The following CAPNS1 variants were observed in gnomAD, a reference collection of about 807,000 sequenced individuals.
CAPNS1 encodes the protein calpain small subunit 1, also known as CANP small subunit.
In CAPNS1, 32 loss-of-function variants were observed where a neutral mutation model predicts 39.2. The observed-to-expected ratio is 0.82, with a 90% CI of 0.62 to 1.10. CAPNS1 has a LOEUF of 1.10. Ranked by LOEUF, CAPNS1 falls within the 50% of genes least tolerant of loss-of-function variation. CAPNS1 has a pLI of 0.00. For missense variants in CAPNS1, 353 were observed against 373.1 expected (o/e 0.95, Z 0.44); for synonymous variants, 153 against 136.2 (o/e 1.12, Z -0.86).
rs762675545 is a variant in CAPNS1 at position 36,143,142 on chromosome 19, C to G, written c.456+14C>G. 3.1e-6 allele frequency: 5 copies of G among 1,612,712 alleles called. No individual in the cohort carries two copies. The highest frequency in any genetic ancestry group is 3.4e-6 in the Non-Finnish European group (4 of 1,179,210). On this transcript the variant is annotated intron_variant, in intron 6 of 10. Coordinates refer to ENST00000246533, the MANE Select transcript of CAPNS1 (RefSeq NM_001749.4). ...GCCGTGATGGATGTATCCTTGGGGG[C>G]AGTGTGGGAGAGGCCCTGGGTGGAC...
At chr19:36,142,806 G>A (rs1974427694) in intron 4 of CAPNS1, 65 bp downstream of exon 4, 2 of 1,583,676 alleles carry the variant, frequency 1.3e-6, no homozygotes, top group Admixed American at 3.3e-5. Flanking sequence ...GGCTGCCCTT[G>A]CACACACACC....
At position 36,141,565 on chromosome 19, in the gene CAPNS1, G is replaced by T. The variant is rs1238778977; in HGVS notation, c.209+345G>T. On this transcript the variant is annotated intron_variant, in intron 2 of 10. Transcript: ENST00000246533. ...GCTAACCTGGAGATGAACGTTAAAG[G>T]TGCGGAGCCAATGCGTCTGAGTGAC... The T allele has an allele frequency of 4.4e-6, 5 of 1,140,362 alleles. No individual in the cohort carries two copies. The East Asian group carries it at 2.0e-4, about 45-fold the overall frequency. The allele number at this position is 1,140,362 out of a possible 1,614,324, so 70.6% of individuals were successfully genotyped here.
intron 9 of CAPNS1, 119 bp downstream of exon 9, chr19:36,146,431 A>G: frequency 1.4e-6 from 1 of 735,410 alleles, no homozygotes; most frequent in East Asian, 2.5e-5. Context: ...TGATTGAATC[A>G]GTTCCAGTTT....
Position 36,146,301 on chromosome 19 carries a change from A to G in CAPNS1, c.710A>G (p.Asp237Gly), listed in dbSNP as rs1974566394. The G allele has an allele frequency of 3.1e-6, 5 of 1,611,152 alleles. No homozygotes were observed. The East Asian group carries it at 8.9e-5, about 29-fold the overall frequency. The change falls in exon 9 of 11, where the codon GAC becomes GGC. Residue 237 changes from aspartate (D) to glycine (G), a missense_variant. Transcript: ENST00000246533. ...TTCATCAGCTGCTTGGTCAGGCTGG[A>G]CGCCATGTTCCGTGAGTGACAACCC... ...DNFISCLVRL[D>G]AMFRAFKSLD...
Position 36,145,907 on chromosome 19 carries a change from A to G in CAPNS1, c.525+33A>G, listed in dbSNP as rs183617657. ...GAAACCTCTGAAATCCCTGGCACCCAGACCCCCAAGCCATGGAGACACTAT... is the reference window on the plus strand; with the variant it reads ...GAAACCTCTGAAATCCCTGGCACCCGGACCCCCAAGCCATGGAGACACTAT... On this transcript the variant is annotated intron_variant, in intron 7 of 10. Transcript: ENST00000246533. 3.0e-5 allele frequency: 49 copies of G among 1,613,072 alleles called. No individual in the cohort carries two copies. The Admixed American group carries it at 7.7e-4, about 25-fold the overall frequency.
intron 9 of CAPNS1, among the ~76,000 whole-genome samples, chr19:36,147,021 T>C (rs544159163): frequency 9.2e-5 from 14 of 152,202 alleles, no homozygotes; most frequent in African/African-American, 1.7e-4. Flanking sequence ...ATTTTTAAAA[T>C]TTTTTGTAGA....
intron 9 of CAPNS1, 58 bp from the exon 10 acceptor site, chr19:36,149,520 T>C (rs1338018235): frequency 7.1e-7 from 1 of 1,417,590 alleles, no homozygotes; most frequent in Non-Finnish European, 9.3e-7. Flanking sequence ...AATGTTATTA[T>C]GCCAAAAACC....
chr19:36,142,308 C>T lies in CAPNS1; in HGVS notation c.218C>T (p.Ala73Val), dbSNP rs1455308135. 6.3e-7 allele frequency: 1 copy of T among 1,589,386 alleles called. No homozygotes were observed. Among genetic ancestry groups the T allele is most frequent in the Non-Finnish European group, 8.6e-7 (1 of 1,162,700 alleles). ...GGVISAISEA[A>V]AQYNPEPPPP... Reference sequence around the variant, plus strand: ...CCCTTATCTCTTCGCAGCGAGGCGGCTGCGCAGTACAACCCGGAGCCCCCG... The same window carrying T: ...CCCTTATCTCTTCGCAGCGAGGCGGTTGCGCAGTACAACCCGGAGCCCCCG... Residue 73 changes from alanine to valine, a missense_variant, in exon 3 of 11, where the codon GCT (alanine) becomes GTT (valine). Transcript: ENST00000246533.
At chr19:36,143,313 T>G (rs1974447535) in intron 6 of CAPNS1, among the ~76,000 whole-genome samples, 185 bp downstream of exon 6, 1 of 152,164 alleles carries the variant, frequency 6.6e-6, no homozygotes, top group Non-Finnish European at 1.5e-5. Context: ...GGCACTTTAA[T>G]TATATAAAGT....
rs766442447 is a variant in CAPNS1 at position 36,146,235 on chromosome 19, G to A, written c.644G>A (p.Arg215Gln). Residue 215 changes from arginine (R) to glutamine (Q), a missense_variant, in exon 9 of 11, where the codon CGA (arginine) becomes CAA (glutamine). By Grantham distance (43) the Arg-to-Gln change is conservative. Transcript: ENST00000246533. The part of the protein sequence containing the change: ...LNEHLYNMII[R>Q]RYSDESGNMD... ...GAGCATCTCTATAACATGATCATCCGACGCTACTCAGATGAAAGTGGGAAC... is the reference window on the plus strand; with the variant it reads ...GAGCATCTCTATAACATGATCATCCAACGCTACTCAGATGAAAGTGGGAAC... The A allele has an allele frequency of 2.7e-5, 44 of 1,613,760 alleles. No homozygotes were observed. The Admixed American group carries it at 5.3e-4, about 20-fold the overall frequency.
rs62111391 is a variant in CAPNS1 at position 36,143,066 on chromosome 19, C to A, written c.394C>A (p.Pro132Thr). 2 of 1,614,008 alleles carry A rather than the reference C, an allele frequency of 1.2e-6. No individual in the cohort carries two copies. The highest frequency in any genetic ancestry group is 1.7e-5 in the Admixed American group (1 of 59,998). Residue 132 changes from proline to threonine, a missense_variant and splice_region_variant, in exon 6 of 11, where the codon CCT (proline) becomes ACT (threonine). Coordinates refer to ENST00000246533, the MANE Select transcript of CAPNS1 (RefSeq NM_001749.4). The stretch of plus-strand genomic sequence containing the variant: ...GACTTTCAACCTGTTACCCACAGAC[C>A]CTGATCTGAAGACTGATGGTTTTGG... ...NILNKVVTRH[P>T]DLKTDGFGID...
At chr19:36,142,529 C>G in intron 3 of CAPNS1, 123 bp from the exon 4 acceptor site, 1 of 776,702 alleles carries the variant, frequency 1.3e-6, no homozygotes, top group South Asian at 1.6e-5. Context: ...ACTACCACCC[C>G]TCATTCTTTT....
At chr19:36,141,244 G>A in intron 2 of CAPNS1, 24 bp downstream of exon 2, 1 of 1,512,660 alleles carries the variant, frequency 6.6e-7, no homozygotes, top group Non-Finnish European at 8.8e-7. Context: ...TATCAGAGGG[G>A]CGGGGCCTGG....
chr19:36,150,089 C>G lies in CAPNS1; in HGVS notation c.*250C>G, dbSNP rs990894394. ...ACGGGTCTCCCCATTCCCACCAGGC[C>G]CTGCACACACCCACTCCGTAACCTC... On this transcript the variant is annotated 3_prime_UTR_variant, in exon 11 of 11. Transcript: ENST00000246533. 5.1e-6 allele frequency: 2 copies of G among 393,790 alleles called. No individual in the cohort carries two copies. The highest frequency in any genetic ancestry group is 9.0e-6 in the Non-Finnish European group (2 of 223,098). 24.4% of individuals were successfully genotyped at this position (393,790 alleles called of 1,614,324 possible).
rs1974405237 is a variant in CAPNS1, at chr19:36,142,327, G to GC, written c.242dup (p.Pro82AlafsTer10). On this transcript the variant is annotated frameshift_variant, in exon 3 of 11. Transcript: ENST00000246533. LOFTEE classifies it high-confidence loss of function. ...AGGCGGCTGCGCAGTACAACCCGGA[G>GC]CCCCCGGTAAGCCCCCTCTGCAACC... 1.3e-6 allele frequency: 2 copies of GC among 1,553,036 alleles called. No homozygotes were observed. The highest frequency in any genetic ancestry group is 1.9e-5 in the Admixed American group (1 of 53,378).
chr19:36,142,247 C>A, intron 2 of CAPNS1, 53 bp from the exon 3 acceptor site: 3 of 1,221,676 alleles, frequency 2.5e-6, no homozygotes, highest in South Asian at 1.2e-5. Context: ...TGTAGTGCTG[C>A]CCGTTGGAGG....
rs7507691 is a variant in CAPNS1 at position 36,141,195 on chromosome 19, C to T, written c.184C>T (p.Leu62=). The T allele has an allele frequency of 1.4e-6, 2 of 1,471,022 alleles. No homozygotes were observed. The highest frequency in any genetic ancestry group is 2.8e-5 in the South Asian group (2 of 72,448). 91.1% of individuals were successfully genotyped at this position (1,471,022 alleles called of 1,614,324 possible). Residue 62 remains leucine, a synonymous_variant, in exon 2 of 11, where the codon CTA becomes TTA. Coordinates refer to ENST00000246533, the MANE Select transcript of CAPNS1 (RefSeq NM_001749.4). ...TGGCGGTGGAACGGCCATGCGCATC[C>T]TAGGCGGAGTCATCAGCGCCATCAG... is the stretch of plus-strand genomic sequence containing the variant. The part of the protein sequence containing the change: ...GGGGGTAMRI[L]GGVISAISEA...
chr19:36,147,279 T>G (rs926127254), intron 9 of CAPNS1, among the ~76,000 whole-genome samples: 1 of 152,206 alleles, frequency 6.6e-6, no homozygotes, highest in African/African-American at 2.4e-5. Flanking sequence ...TAGGAAGTTG[T>G]AAAGCCAGAA....
In CAPNS1 at chr19:36,141,059, G is replaced by T; in HGVS notation, c.48G>T (p.Gly16=). 1 of 1,520,244 alleles carries T rather than the reference G, an allele frequency of 6.6e-7. No homozygotes were observed. Among genetic ancestry groups the T allele is most frequent in the Non-Finnish European group, 8.9e-7 (1 of 1,128,318 alleles). 94.2% of individuals were successfully genotyped at this position (1,520,244 alleles called of 1,614,324 possible). A position where few individuals can be genotyped will look rare whatever the true frequency, so the allele number is the denominator to read the frequency against. Residue 16 remains glycine (G), a synonymous_variant, in exon 2 of 11, where the codon GGG becomes GGT. Coordinates refer to ENST00000246533, the MANE Select transcript of CAPNS1 (RefSeq NM_001749.4). ...TGAAGGGCGGCGGCGGCGGCGGCGG[G>T]GGAGGCGGGGGCCTGGGTGGGGGCC... The part of the protein sequence containing the change: ...SFLKGGGGGG[G]GGGGLGGGLG...
Sources: gnomAD v4.1 joint callset for allele counts (sites outside exome capture counted in the v4.1 genomes callset) on GRCh38, gnomAD v4.1.1 for gene constraint, MANE v1.5 for transcripts, NCBI Gene and HGNC (gene_info 2026-07-23, HGNC 2026-07-21) for gene names.